The following NLRX1 variants were observed in gnomAD, a reference collection of about 807,000 sequenced individuals.
NLRX1 encodes the protein NLR family member X1.
A neutral mutation model predicts 74.2 loss-of-function variants in NLRX1; 67 were observed. The ratio of observed to expected loss-of-function variants is 0.90; its 90% CI spans 0.74 to 1.11. The LOEUF (loss-of-function observed/expected upper bound fraction) is 1.11. NLRX1 is among the 50% of genes least tolerant of loss of function. The pLI, the probability that NLRX1 is intolerant of heterozygous loss-of-function variation, is 0.00. For synonymous variants in NLRX1, 506 were observed against 559.1 expected (o/e 0.91, Z 1.34); for missense variants, 1,191 against 1,305.4 (o/e 0.91, Z 1.35).
At chr11:119,175,439 C>T (rs1308336613) in intron 6 of NLRX1, among the ~76,000 whole-genome samples, 165 bp downstream of exon 6, 2 of 152,198 alleles carry the variant, frequency 1.3e-5, no homozygotes, top group Admixed American at 6.5e-5. Flanking sequence ...CTGGTTTCAG[C>T]TCTGAGCATT....
At chr11:119,172,557 C>A in intron 3 of NLRX1, 132 bp downstream of exon 3, 1 of 693,680 alleles carries the variant, frequency 1.4e-6, no homozygotes, top group South Asian at 1.8e-5. Context: ...GGTGGGAGGA[C>A]AGTGGCAGCT....
chr11:119,177,364 G>A (rs1948725050), intron 6 of NLRX1, among the ~76,000 whole-genome samples: 1 of 151,404 alleles, frequency 6.6e-6, no homozygotes, highest in Admixed American at 6.6e-5. Context: ...TTACAGGAGT[G>A]AGCCACCACG....
At chr11:119,175,788 C>G (rs189865863) in intron 6 of NLRX1, among the ~76,000 whole-genome samples, 19 of 152,254 alleles carry the variant, frequency 1.2e-4, no homozygotes, top group Non-Finnish European at 2.2e-4. Flanking sequence ...GGGGAGTCAT[C>G]ATGAGGGCAG....
intron 5 of NLRX1, 137 bp downstream of exon 5, chr11:119,174,235 T>G: frequency 8.2e-7 from 1 of 1,212,968 alleles, no homozygotes; most frequent in Non-Finnish European, 1.1e-6. Context: ...CAGCCTTCTG[T>G]TCCTTTCTTT....
rs763400626 is a variant in NLRX1, at chr11:119,171,409, G to A, written c.6G>A (p.Arg2=). Reference sequence around the variant, plus strand: ...CTCTGACCTTCTTTCCCAGGATGAGGTGGGGCCACCATTTGCCCAGGGCCT... The same window carrying A: ...CTCTGACCTTCTTTCCCAGGATGAGATGGGGCCACCATTTGCCCAGGGCCT... The part of the protein sequence containing the change: M[R]WGHHLPRASW... The change falls in exon 2 of 10, where the codon AGG becomes AGA. Residue 2 remains arginine (R), a synonymous_variant. Coordinates refer to ENST00000409109, the MANE Select transcript of NLRX1 (RefSeq NM_001282144.2). The A allele has an allele frequency of 2.5e-6, 4 of 1,613,910 alleles. No individual in the cohort carries two copies. In the Admixed American group the frequency reaches 5.0e-5, roughly 20 times the overall value.
intron 7 of NLRX1, among the ~76,000 whole-genome samples, 190 bp downstream of exon 7, chr11:119,180,478 G>T (rs2135189184): frequency 6.6e-6 from 1 of 152,280 alleles, no homozygotes; most frequent in African/African-American, 2.4e-5. Context: ...CCCAAGGCGG[G>T]CGTATCACCT....
intron 6 of NLRX1, among the ~76,000 whole-genome samples, chr11:119,176,472 AC>A (rs1169009609): frequency 3.3e-5 from 5 of 152,144 alleles, no homozygotes; most frequent in Admixed American, 2.6e-4. Flanking sequence ...TAATCCCAGC[AC>A]TTTGAGAGGC....
Position 119,174,025 on chromosome 11 carries a change from G to A in NLRX1, c.776G>A (p.Cys259Tyr). The change falls in exon 5 of 10, where the codon TGT becomes TAT. Residue 259 changes from cysteine to tyrosine, a missense_variant. Coordinates refer to ENST00000409109, the MANE Select transcript of NLRX1 (RefSeq NM_001282144.2). The stretch of plus-strand genomic sequence containing the variant: ...TTCCGGCTGGCAGGCACGGGACTTT[G>A]TAGTGACCCGGAGGAACCGCAGGAA... ...LDFRLAGTGL[C>Y]SDPEEPQEPA... 6.2e-7 allele frequency: 1 copy of A among 1,614,188 alleles called. No homozygotes were observed. The highest frequency in any genetic ancestry group is 8.5e-7 in the Non-Finnish European group (1 of 1,180,030).
chr11:119,181,171 C>T lies in NLRX1; in HGVS notation c.2268C>T (p.Gly756=). Residue 756 remains glycine (G), a splice_region_variant and synonymous_variant, in exon 8 of 10, where the codon GGC becomes GGT. Transcript: ENST00000409109. ...LPVFLRARKL[G]LQLNSLGPEA... ...CCCCTCTGGCCACCTTCTGCTCCAG[C>T]TTGCAACTCAACAGCCTGGGCCCTG... 1 of 1,613,290 alleles carries T rather than the reference C, an allele frequency of 6.2e-7. No homozygotes were observed. Among genetic ancestry groups the T allele is most frequent in the Non-Finnish European group, 8.5e-7 (1 of 1,179,532 alleles).
chr11:119,181,094 G>T, intron 7 of NLRX1, 77 bp from the exon 8 acceptor site: 2 of 993,704 alleles, frequency 2.0e-6, no homozygotes, highest in Non-Finnish European at 3.2e-6. Context: ...TGAAAAAAAG[G>T]CATGGTAGAT....
In NLRX1 at chr11:119,174,064, T is replaced by C. The variant is rs1179663934; in HGVS notation, c.815T>C (p.Ile272Thr). The C allele has an allele frequency of 1.9e-6, 3 of 1,614,160 alleles. No individual in the cohort carries two copies. The Admixed American group carries it at 5.0e-5, about 27-fold the overall frequency. ...GAACCGCAGGAACCAGCTGCTATCA[T>C]CGTCAACCTGCTGCGCAAATACATG... The part of the protein sequence containing the change: ...PEEPQEPAAI[I>T]VNLLRKYMLP... The change falls in exon 5 of 10, where the codon ATC (isoleucine) becomes ACC (threonine). Residue 272 changes from isoleucine (I) to threonine (T), a missense_variant. By Grantham distance (89) the Ile-to-Thr change is moderately conservative (BLOSUM62 -1). Coordinates refer to ENST00000409109, the MANE Select transcript of NLRX1 (RefSeq NM_001282144.2).
intron 9 of NLRX1, among the ~76,000 whole-genome samples, chr11:119,182,889 A>AAAAAACAAAAACAAAAAC (rs578006710): frequency 6.6e-6 from 1 of 151,548 alleles, no homozygotes; most frequent in African/African-American, 2.4e-5. Context: ...TCCATCTCAA[A>AAAAAACAAAAACAAAAAC]AAAAACAAAA....
At position 119,180,054 on chromosome 11, in the gene NLRX1, A is replaced by G; in HGVS notation, c.2033A>G (p.His678Arg). 6.2e-7 allele frequency: 1 copy of G among 1,613,516 alleles called. No individual in the cohort carries two copies. The highest frequency in any genetic ancestry group is 8.5e-7 in the Non-Finnish European group (1 of 1,179,988). ...CTGCCCCCATCAGAGCTCCTTGACCACCTCTTCTTCCACTATGAGTTCCAG... is the reference window on the plus strand; with the variant it reads ...CTGCCCCCATCAGAGCTCCTTGACCGCCTCTTCTTCCACTATGAGTTCCAG... ...QVLPPSELLD[H>R]LFFHYEFQNQ... Residue 678 changes from histidine to arginine, a missense_variant, in exon 7 of 10, where the codon CAC (histidine) becomes CGC (arginine). Coordinates refer to ENST00000409109, the MANE Select transcript of NLRX1 (RefSeq NM_001282144.2).
At chr11:119,170,084 T>C (rs944210975) in intron 1 of NLRX1, among the ~76,000 whole-genome samples, 2 of 125,934 alleles carry the variant, frequency 1.6e-5, no homozygotes, top group African/African-American at 6.2e-5. Context: ...CTGGGAAGAG[T>C]GTATGAACAA....
rs1261224885 is a variant in NLRX1 at position 119,172,345 on chromosome 11, T to G, written c.71-11T>G. On this transcript the variant is annotated splice_polypyrimidine_tract_variant and intron_variant, in intron 2 of 9. Transcript: ENST00000409109. ...GGATCTGCAGATGCTATTTCTTCCT[T>G]CTCTCTGTAGATGATCGTATCCCCT... 2 of 1,608,928 alleles carry G rather than the reference T, an allele frequency of 1.2e-6. No individual in the cohort carries two copies. The highest frequency in any genetic ancestry group is 8.5e-7 in the Non-Finnish European group (1 of 1,175,284).
At chr11:119,171,332 C>G in intron 1 of NLRX1, 24 bp from the exon 2 acceptor site, 1 of 1,543,178 alleles carries the variant, frequency 6.5e-7, no homozygotes, top group Non-Finnish European at 8.9e-7. Context: ...TGGCAGTGAT[C>G]CATTCGTACT....
rs376197147 is a variant in NLRX1, at chr11:119,183,291, C to T, written c.2780C>T (p.Ala927Val). ...CGGAACCTCAATAGCTGGGATCGGGCCCGGGTTCAGCGACACCTTGAGCTC... is the reference window on the plus strand; with the variant it reads ...CGGAACCTCAATAGCTGGGATCGGGTCCGGGTTCAGCGACACCTTGAGCTC... Reference protein sequence around the residue: ...VQRNLNSWDRARVQRHLELLL... With the variant: ...VQRNLNSWDRVRVQRHLELLL... The change falls in exon 10 of 10, where the codon GCC becomes GTC. Residue 927 changes from alanine to valine, a missense_variant. Coordinates refer to ENST00000409109, the MANE Select transcript of NLRX1 (RefSeq NM_001282144.2). This position sits in a 1 kb window ranked among gnomAD's most constrained non-coding sequence, Gnocchi z 5.7. The T allele has an allele frequency of 1.1e-5, 18 of 1,614,058 alleles. No homozygotes were observed. The African/African-American group carries it at 2.0e-4, about 18-fold the overall frequency.
intron 6 of NLRX1, 117 bp from the exon 7 acceptor site, chr11:119,179,576 A>C: frequency 2.4e-6 from 2 of 826,938 alleles, no homozygotes; most frequent in South Asian, 4.1e-5. Flanking sequence ...AAATTATGCT[A>C]AGTTCAAGGG....
chr11:119,170,000 GAAAAAAAAAAA>G (rs59630475), intron 1 of NLRX1, among the ~76,000 whole-genome samples: 50 of 40,310 alleles, frequency 1.2e-3, no homozygotes, highest in Non-Finnish European at 1.9e-3. Context: ...CCTGTCTCAG[GAAAAAAAAAAA>G]AAAAAAAAAA....
Sources: gnomAD v4.1 joint callset for allele counts (sites outside exome capture counted in the v4.1 genomes callset) on GRCh38, gnomAD v4.1.1 for gene constraint, Gnocchi (gnomAD v3.1) non-coding constraint, MANE v1.5 for transcripts, NCBI Gene and HGNC (gene_info 2026-07-23, HGNC 2026-07-21) for gene names.